The following BAHCC1 variants were observed in gnomAD, a reference collection of about 807,000 sequenced individuals.
The protein encoded by BAHCC1 is BAH and coiled-coil domain-containing protein 1.
In BAHCC1, 43 loss-of-function variants were observed where a neutral mutation model predicts 88.2. That is an observed-to-expected ratio of 0.49 (90% confidence interval 0.38 to 0.63). The LOEUF (loss-of-function observed/expected upper bound fraction) is 0.63. Among genes scored for constraint, BAHCC1 ranks in the 20% least tolerant of loss-of-function variants. The probability of loss-of-function intolerance (pLI) is 0.00; values close to 1 mark genes in which losing one functional copy is unlikely to be tolerated. For synonymous variants in BAHCC1, 1,510 were observed against 745.5 expected (o/e 2.03, Z -16.71); for missense variants, 3,023 against 1,654.8 (o/e 1.83, Z -14.34).
intron 14 of BAHCC1, 41 bp from the exon 15 acceptor site, chr17:81,455,226 G>A (rs1478610): frequency 0.36 from 254,124 of 703,568 alleles, 47,690 homozygotes; most frequent in Non-Finnish European, 0.39. Flanking sequence ...TGGGGCGGCC[G>A]GGCCTGCATC....
In BAHCC1 at chr17:81,435,513, C is replaced by T. The variant is rs548982704; in HGVS notation, c.359-2857C>T. ...CGCTTAGCCCAGGGCTTGCCCTTGT[C>T]TGTTGGGGTGATCATAAAAGCTCCC... On this transcript the variant is annotated intron_variant, in intron 3 of 27. Transcript: ENST00000675386. This position sits in a 1 kb window ranked among gnomAD's most constrained non-coding sequence, Gnocchi z 4.4. 2 of 470,718 alleles carry T rather than the reference C, an allele frequency of 4.2e-6. No homozygotes were observed. The highest frequency in any genetic ancestry group is 4.0e-5 in the African/African-American group (2 of 50,166). The allele number at this position is 470,718 out of a possible 1,614,324, so 29.2% of individuals were successfully genotyped here. A position where few individuals can be genotyped will look rare whatever the true frequency, so the allele number is the denominator to read the frequency against.
rs375340110 is a variant in BAHCC1 at position 81,458,738 on chromosome 17, C to A, written c.5448+13C>A. On this transcript the variant is annotated intron_variant, in intron 19 of 27. Transcript: ENST00000675386. ...GGCCGGCAAGCAGGTAGCAGCCCCC[C>A]ACTCTGGGAGCCCACTGTGCACCCA... is the stretch of plus-strand genomic sequence containing the variant. The A allele has an allele frequency of 6.8e-6, 5 of 739,060 alleles. No homozygotes were observed. Among genetic ancestry groups the A allele is most frequent in the African/African-American group, 1.7e-5 (1 of 58,252 alleles). 45.8% of individuals were successfully genotyped at this position (739,060 alleles called of 1,614,324 possible). A position where few individuals can be genotyped will look rare whatever the true frequency, so the allele number is the denominator to read the frequency against.
intron 14 of BAHCC1, among the ~76,000 whole-genome samples, chr17:81,453,823 C>T (rs565265376): frequency 3.9e-4 from 59 of 152,400 alleles, no homozygotes; most frequent in African/African-American, 1.4e-3. Context: ...CCTGCCCTCA[C>T]TCATCCAGGC....
chr17:81,462,011 C>T lies in BAHCC1; in HGVS notation c.7348C>T (p.Arg2450Trp), dbSNP rs371094153. The T allele has an allele frequency of 1.9e-5, 15 of 778,032 alleles. No homozygotes were observed. Among genetic ancestry groups the T allele is most frequent in the Admixed American group, 6.8e-5 (4 of 58,890 alleles). 48.2% of individuals were successfully genotyped at this position (778,032 alleles called of 1,614,324 possible). A position where few individuals can be genotyped will look rare whatever the true frequency, so the allele number is the denominator to read the frequency against. Residue 2450 changes from arginine to tryptophan, a missense_variant, in exon 26 of 28, where the codon CGG becomes TGG. Transcript: ENST00000675386. Reference protein sequence around the residue: ...RPKISAFLPARQLWKWSGNPT... With the variant: ...RPKISAFLPAWQLWKWSGNPT... ...AAAGATCTCAGCCTTCCTGCCCGCCCGGCAGCTCTGGAAGTGGTCGGGGAA... is the reference window on the plus strand; with the variant it reads ...AAAGATCTCAGCCTTCCTGCCCGCCTGGCAGCTCTGGAAGTGGTCGGGGAA...
chr17:81,446,989 C>T (rs948879759), intron 10 of BAHCC1, 47 bp from the exon 11 acceptor site: 3 of 774,722 alleles, frequency 3.9e-6, no homozygotes, highest in Middle Eastern at 4.5e-4. Context: ...AGGACACCCC[C>T]TCACCACCAC....
chr17:81,408,867 C>T (rs1475638163), intron 2 of BAHCC1, among the ~76,000 whole-genome samples: 1 of 152,192 alleles, frequency 6.6e-6, no homozygotes, highest in Non-Finnish European at 1.5e-5. Context: ...TGGAAATGTC[C>T]TTCTGTCCCT....
intron 23 of BAHCC1, 108 bp from the exon 24 acceptor site, chr17:81,460,169 A>G: frequency 3.0e-6 from 2 of 656,402 alleles, no homozygotes; most frequent in South Asian, 3.5e-5. Context: ...AGGGAGCAGA[A>G]CCCCAGAGCC....
At chr17:81,427,872 A>G (rs1354575483) in intron 3 of BAHCC1, among the ~76,000 whole-genome samples, 1 of 151,912 alleles carries the variant, frequency 6.6e-6, no homozygotes, top group East Asian at 1.9e-4. Context: ...GCGGACCCAC[A>G]CACCACGCCA....
intron 1 of BAHCC1, among the ~76,000 whole-genome samples, chr17:81,397,702 G>T (rs1194454815): frequency 1.3e-5 from 2 of 152,196 alleles, no homozygotes; most frequent in Non-Finnish European, 2.9e-5. Context: ...CCGGGCCCTG[G>T]CGGCCGGGCG....
At chr17:81,417,398 G>A (rs549397811) in intron 2 of BAHCC1, among the ~76,000 whole-genome samples, 6 of 152,232 alleles carry the variant, frequency 3.9e-5, no homozygotes, top group Admixed American at 3.9e-4. Context: ...CAGGAGAGCG[G>A]GTGAGAGACA....
At chr17:81,405,390 T>C (rs1182989927) in intron 2 of BAHCC1, among the ~76,000 whole-genome samples, 2 of 152,108 alleles carry the variant, frequency 1.3e-5, no homozygotes, top group African/African-American at 2.4e-5. Flanking sequence ...AGGCAGCAGA[T>C]GTTTATATAT....
In BAHCC1 at chr17:81,443,083, G is replaced by A. The variant is rs782189908; in HGVS notation, c.1734G>A (p.Gly578=). ...SLELASLGYS[G]PHLPPWGVQA... The stretch of plus-strand genomic sequence containing the variant: ...AGCTGGCATCCCTGGGCTACAGTGG[G>A]CCCCACCTGCCCCCATGGGGTGTCC... The change falls in exon 5 of 28, where the codon GGG becomes GGA. Residue 578 remains glycine (G), a synonymous_variant. Transcript: ENST00000675386. The A allele has an allele frequency of 2.6e-6, 2 of 777,984 alleles. No individual in the cohort carries two copies. The highest frequency in any genetic ancestry group is 1.7e-5 in the Admixed American group (1 of 59,002). 48.2% of individuals were successfully genotyped at this position (777,984 alleles called of 1,614,324 possible).
At chr17:81,410,670 T>C (rs2143261057) in intron 2 of BAHCC1, among the ~76,000 whole-genome samples, 1 of 152,208 alleles carries the variant, frequency 6.6e-6, no homozygotes, top group Admixed American at 6.5e-5. Context: ...GGGGCCCAGG[T>C]GCTGGGGGGC....
chr17:81,406,171 C>T (rs1567994464), intron 2 of BAHCC1, among the ~76,000 whole-genome samples: 1 of 152,204 alleles, frequency 6.6e-6, no homozygotes, highest in African/African-American at 2.4e-5. Flanking sequence ...TGCCTTGTTC[C>T]CCTGAGGAGG....
In BAHCC1 at chr17:81,399,687, C is replaced by G; in HGVS notation, c.-53C>G. 2 of 989,916 alleles carry G rather than the reference C, an allele frequency of 2.0e-6. No individual in the cohort carries two copies. Among genetic ancestry groups the G allele is most frequent in the Non-Finnish European group, 2.4e-6 (2 of 833,554 alleles). The allele number at this position is 989,916 out of a possible 1,614,324, so 61.3% of individuals were successfully genotyped here. ...GCCCGCGCGCCGAGCCGCCCCCGGG[C>G]CCCGGCCGCGCTGCTCCGAGGAAGC... On this transcript the variant is annotated 5_prime_UTR_variant, in exon 2 of 28. Coordinates refer to ENST00000675386, the MANE Select transcript of BAHCC1 (RefSeq NM_001377448.1). The surrounding 1 kb of genome is among the most constrained non-coding windows in gnomAD (Gnocchi z 4.5).
intron 26 of BAHCC1, chr17:81,462,487 C>G: frequency 3.6e-6 from 2 of 549,594 alleles, no homozygotes; most frequent in East Asian, 6.0e-5. Flanking sequence ...GTCCACATGT[C>G]CCTGTCCCAG....
chr17:81,457,544 G>A lies in BAHCC1; in HGVS notation c.4993G>A (p.Glu1665Lys). Residue 1665 changes from glutamate to lysine, a missense_variant, in exon 17 of 28, where the codon GAG (glutamate) becomes AAG (lysine). Coordinates refer to ENST00000675386, the MANE Select transcript of BAHCC1 (RefSeq NM_001377448.1). ...CTCACCCTCCTCTGTGGTCAAGATG[G>A]AGGCCAACCAGAAGGCCAAGAAGAA... ...GPSPSSVVKM[E>K]ANQKAKKKKE... The A allele has an allele frequency of 1.3e-6, 1 of 752,198 alleles. No homozygotes were observed. 46.6% of individuals were successfully genotyped at this position (752,198 alleles called of 1,614,324 possible).
At chr17:81,419,360 G>C (rs546694088) in intron 2 of BAHCC1, among the ~76,000 whole-genome samples, 17 of 152,358 alleles carry the variant, frequency 1.1e-4, no homozygotes, top group African/African-American at 2.4e-5. Context: ...GCAGGAACCT[G>C]TGCAGGGCGG....
Position 81,447,287 on chromosome 17 carries a change from CG to C in BAHCC1, c.3419del (p.Gly1140AspfsTer12). 1 of 729,172 alleles carries C rather than the reference CG, an allele frequency of 1.4e-6. No individual in the cohort carries two copies. Among genetic ancestry groups the C allele is most frequent in the Non-Finnish European group, 2.5e-6 (1 of 394,998 alleles). The allele number at this position is 729,172 out of a possible 1,614,324, so 45.2% of individuals were successfully genotyped here. On this transcript the variant is annotated frameshift_variant, in exon 11 of 28. Transcript: ENST00000675386. LOFTEE classifies it high-confidence loss of function. ...DLAATPYPTE[R>X]GPQGKAADPS... ...TGCCGCCACCCCCTACCCTACCGAG[CG>C]GGGACCCCAGGGGAAGGCAGCGGAC...
Sources: gnomAD v4.1 joint callset for allele counts (sites outside exome capture counted in the v4.1 genomes callset) on GRCh38, gnomAD v4.1.1 for gene constraint, Gnocchi (gnomAD v3.1) non-coding constraint, MANE v1.5 for transcripts, NCBI Gene and HGNC (gene_info 2026-07-23, HGNC 2026-07-21) for gene names.